Variants in C10orf67 observed in about 807,000 individuals in gnomAD.
The protein encoded by C10orf67 is uncharacterized protein C10orf67, mitochondrial.
In C10orf67, 60 loss-of-function variants were observed where a neutral mutation model predicts 35.6. The observed-to-expected ratio is 1.68, with a 90% CI of 1.37 to 2.09. The LOEUF (loss-of-function observed/expected upper bound fraction) is 2.09. Ranked by LOEUF, C10orf67 falls within the 30% of genes most tolerant of loss-of-function variation. The pLI is 0.00. For missense variants in C10orf67, 474 were observed against 330.2 expected (o/e 1.44, Z -3.38); for synonymous variants, 167 against 115.8 (o/e 1.44, Z -2.84).
chr10:23,212,383 G>A (rs190017111), intron 15 of C10orf67, among the ~76,000 whole-genome samples: 104 of 152,272 alleles, frequency 6.8e-4, no homozygotes, highest in African/African-American at 2.5e-3. Flanking sequence ...CAAACCACAC[G>A]TCTCTTGTTT....
chr10:23,320,250 G>C (rs1773974685), intron 4 of C10orf67, among the ~76,000 whole-genome samples: 1 of 152,226 alleles, frequency 6.6e-6, no homozygotes, highest in Non-Finnish European at 1.5e-5. Flanking sequence ...TGAGAATATA[G>C]TTATAAATGC....
intron 1 of C10orf67, chr10:23,344,077 A>C (rs1022126312): frequency 1.0e-4 from 26 of 249,958 alleles, no homozygotes; most frequent in Non-Finnish European, 2.0e-4. Context: ...GTCCGTTGCC[A>C]TGGCGACTCC....
At chr10:23,341,410 G>A (rs541610323) in intron 1 of C10orf67, among the ~76,000 whole-genome samples, 3 of 152,092 alleles carry the variant, frequency 2.0e-5, no homozygotes, top group Non-Finnish European at 2.9e-5. Flanking sequence ...CAGTCTCTCC[G>A]GACCTCCAAC....
intron 15 of C10orf67, among the ~76,000 whole-genome samples, chr10:23,207,520 A>G (rs1180781571): frequency 6.6e-6 from 1 of 152,210 alleles, no homozygotes; most frequent in African/African-American, 2.4e-5. Context: ...TCAGCCTTTA[A>G]CGTCTCATCA....
At chr10:23,254,218 T>G (rs1842540084) in intron 10 of C10orf67, among the ~76,000 whole-genome samples, 1 of 152,218 alleles carries the variant, frequency 6.6e-6, no homozygotes, top group Non-Finnish European at 1.5e-5. Context: ...AAATGTGTGT[T>G]TTTTTTGAGA....
intron 13 of C10orf67, among the ~76,000 whole-genome samples, chr10:23,229,718 G>A (rs1176901768): frequency 6.6e-6 from 1 of 151,344 alleles, no homozygotes; most frequent in Non-Finnish European, 1.5e-5. Context: ...ACTACTTAGA[G>A]TAATATGCAA....
At chr10:23,222,765 T>G (rs1485403234) in intron 15 of C10orf67, among the ~76,000 whole-genome samples, 1 of 152,058 alleles carries the variant, frequency 6.6e-6, no homozygotes, top group Non-Finnish European at 1.5e-5. Context: ...CGACAAAATC[T>G]CAGCTGTAAA....
intron 5 of C10orf67, among the ~76,000 whole-genome samples, chr10:23,292,582 T>G (rs924860733): frequency 2.0e-5 from 3 of 152,130 alleles, no homozygotes; most frequent in Non-Finnish European, 4.4e-5. Flanking sequence ...TCATTTAAGG[T>G]TAAGGATATG....
intron 2 of C10orf67, 129 bp from the exon 3 acceptor site, chr10:23,322,666 A>C: frequency 3.4e-6 from 2 of 596,070 alleles, no homozygotes; most frequent in Non-Finnish European, 5.9e-6. Flanking sequence ...AGCAACACAC[A>C]CTGGGGCCTA....
chr10:23,280,459 C>T (rs2132233386), intron 8 of C10orf67, among the ~76,000 whole-genome samples: 1 of 152,236 alleles, frequency 6.6e-6, no homozygotes, highest in East Asian at 1.9e-4. Context: ...TAACAGAATG[C>T]CTTGCAGGGA....
intron 8 of C10orf67, among the ~76,000 whole-genome samples, chr10:23,278,226 G>A (rs534124393): frequency 4.6e-5 from 7 of 152,234 alleles, no homozygotes; most frequent in African/African-American, 1.7e-4. Context: ...GGACCTCAAT[G>A]ACACTTAAGA....
chr10:23,342,679 T>A (rs1845949073), intron 1 of C10orf67, among the ~76,000 whole-genome samples: 1 of 152,186 alleles, frequency 6.6e-6, no homozygotes, highest in Non-Finnish European at 1.5e-5. Flanking sequence ...CTGGTGTTTA[T>A]CACGTGCTGC....
At chr10:23,324,244 C>T (rs901778948) in intron 2 of C10orf67, among the ~76,000 whole-genome samples, 5 of 151,936 alleles carry the variant, frequency 3.3e-5, no homozygotes, top group African/African-American at 9.7e-5. Context: ...ATTCTGATTG[C>T]TGGGACCCTC....
chr10:23,224,644 A>G (rs1311307764), intron 13 of C10orf67, among the ~76,000 whole-genome samples: 1 of 152,176 alleles, frequency 6.6e-6, no homozygotes, highest in South Asian at 2.1e-4. Flanking sequence ...AGATGAGACG[A>G]ATGGCTAACT....
chr10:23,286,697 T>C (rs1225037930), intron 7 of C10orf67, among the ~76,000 whole-genome samples: 1 of 151,562 alleles, frequency 6.6e-6, no homozygotes, highest in Non-Finnish European at 1.5e-5. Flanking sequence ...CTGGTGATGG[T>C]TCCCTGGTTG....
At chr10:23,329,797 C>CAAAAAAAAAAAAAAAAAAAAAAAA (rs398013008) in intron 2 of C10orf67, among the ~76,000 whole-genome samples, 13 of 48,078 alleles carry the variant, frequency 2.7e-4, no homozygotes, top group Non-Finnish European at 3.5e-4. Context: ...GAACTTGTCT[C>CAAAAAAAAAAAAAAAAAAAAAAAA]AAAAAAAAAA....
intron 7 of C10orf67, among the ~76,000 whole-genome samples, chr10:23,287,339 G>C (rs370156447): frequency 6.6e-6 from 1 of 152,116 alleles, no homozygotes; most frequent in Non-Finnish European, 1.5e-5. Context: ...ACAACCATCT[G>C]ATCTTCAACA....
intron 12 of C10orf67, among the ~76,000 whole-genome samples, chr10:23,242,796 A>G (rs1842217488): frequency 6.6e-6 from 1 of 152,168 alleles, no homozygotes; most frequent in Admixed American, 6.5e-5. Context: ...AAAAAGGTTC[A>G]TTGGTTCAAA....
At chr10:23,250,043 G>A (rs1450924256) in intron 12 of C10orf67, among the ~76,000 whole-genome samples, 1 of 152,168 alleles carries the variant, frequency 6.6e-6, no homozygotes, top group Non-Finnish European at 1.5e-5. Context: ...TTGAGAGGTT[G>A]AGGAACTGGA....
Sources: allele counts gnomAD v4.1 joint callset (sites outside exome capture counted in the v4.1 genomes callset), GRCh38; gene constraint gnomAD v4.1.1; transcripts MANE v1.5; gene names NCBI Gene and HGNC (gene_info 2026-07-23, HGNC 2026-07-21).